The following CASZ1 variants were observed in gnomAD, a reference collection of about 807,000 sequenced individuals.
The protein encoded by CASZ1 is castor zinc finger 1.
CASZ1 carries 28 observed loss-of-function variants against 135.2 expected under a neutral mutation model. The observed-to-expected ratio is 0.21, with a 90% confidence interval of 0.15 to 0.28. The LOEUF is 0.28. Ranked by LOEUF, CASZ1 falls within the 10% of genes least tolerant of loss-of-function variation. The probability of loss-of-function intolerance (pLI) is 1.00; values close to 1 mark genes in which losing one functional copy is unlikely to be tolerated. For synonymous variants in CASZ1, 1,068 were observed against 1,073.4 expected (o/e 0.99, Z 0.10); for missense variants, 2,161 against 2,453.3 (o/e 0.88, Z 2.52).
At chr1:10,712,203 G>A (rs999025336) in intron 2 of CASZ1, among the ~76,000 whole-genome samples, 4 of 152,080 alleles carry the variant, frequency 2.6e-5, no homozygotes, top group Admixed American at 6.5e-5. Flanking sequence ...AAAAGTAGCC[G>A]GGCATGGTGG....
chr1:10,713,332 T>C (rs1260867266), intron 2 of CASZ1, among the ~76,000 whole-genome samples: 1 of 152,202 alleles, frequency 6.6e-6, no homozygotes, highest in East Asian at 1.9e-4. Flanking sequence ...ATTTTTTGGG[T>C]TCTTTCCACA....
chr1:10,786,502 A>G (rs1474152149), intron 1 of CASZ1, among the ~76,000 whole-genome samples: 1 of 152,206 alleles, frequency 6.6e-6, no homozygotes, highest in African/African-American at 2.4e-5. Flanking sequence ...CTCCATGGCA[A>G]TCCCTGATAA....
chr1:10,742,337 T>C (rs572768479), intron 2 of CASZ1, among the ~76,000 whole-genome samples: 2 of 152,288 alleles, frequency 1.3e-5, no homozygotes, highest in Admixed American at 1.3e-4. Context: ...CTAGAATTAA[T>C]GCACTAAAGT....
chr1:10,661,068 G>A (rs1328407111), intron 5 of CASZ1: 1 of 172,642 alleles, frequency 5.8e-6, no homozygotes, highest in Non-Finnish European at 1.3e-5. Context: ...CCCCTGGGCA[G>A]ATGAAGGGTC....
intron 4 of CASZ1, among the ~76,000 whole-genome samples, chr1:10,691,460 G>GC (rs200388713): frequency 0.01 from 1,545 of 152,286 alleles, 6 homozygotes; most frequent in Non-Finnish European, 0.017. Context: ...TGTGTCCGGG[G>GC]CCGCGGGGAT....
At chr1:10,710,981 A>G (rs1639273728) in intron 2 of CASZ1, among the ~76,000 whole-genome samples, 1 of 152,084 alleles carries the variant, frequency 6.6e-6, no homozygotes, top group Admixed American at 6.5e-5. Context: ...AAATACAAAT[A>G]TTAGCCGGGT....
intron 4 of CASZ1, among the ~76,000 whole-genome samples, chr1:10,685,290 C>G (rs1557504651): frequency 6.6e-6 from 1 of 152,206 alleles, no homozygotes; most frequent in African/African-American, 2.4e-5. Context: ...GGCACACTGT[C>G]ATCTCTGATA....
chr1:10,664,896 C>T (rs1365203381), intron 5 of CASZ1, among the ~76,000 whole-genome samples, 187 bp downstream of exon 5: 1 of 151,346 alleles, frequency 6.6e-6, no homozygotes, highest in African/African-American at 2.4e-5. Flanking sequence ...GCAGCCCTTC[C>T]CTTCTCACCT....
At chr1:10,712,749 C>G (rs1025880369) in intron 2 of CASZ1, among the ~76,000 whole-genome samples, 1 of 152,246 alleles carries the variant, frequency 6.6e-6, no homozygotes, top group Non-Finnish European at 1.5e-5. Context: ...TGATTCCGCA[C>G]CCCCGCGGGC....
rs1557534987 is a variant in CASZ1 at position 10,726,658 on chromosome 1, C to T, written c.-76-21114G>A. Among the ~76,000 whole-genome samples the T allele has an allele frequency of 6.6e-6, 1 of 152,246 alleles. No homozygotes were observed. The highest frequency in any genetic ancestry group is 1.5e-5 in the Non-Finnish European group (1 of 68,036). ...CCTGCCTGGGTGCGGTGCCAGCTCA[C>T]TACACCAGCAGATCGTTAGCATTCC... On this transcript the variant is annotated intron_variant, in intron 2 of 20. Coordinates refer to ENST00000377022, the MANE Select transcript of CASZ1 (RefSeq NM_001079843.3). This position sits in a 1 kb window ranked among gnomAD's most constrained non-coding sequence, Gnocchi z 5.7.
chr1:10,748,882 G>A (rs918650077), intron 2 of CASZ1, among the ~76,000 whole-genome samples: 7 of 152,358 alleles, frequency 4.6e-5, no homozygotes, highest in South Asian at 2.1e-4. Context: ...CAGCAGATGC[G>A]AATCAGACCT....
At chr1:10,760,492 A>G (rs1239532076) in intron 2 of CASZ1, among the ~76,000 whole-genome samples, 1 of 152,250 alleles carries the variant, frequency 6.6e-6, no homozygotes, top group Non-Finnish European at 1.5e-5. Context: ...CAAGGCCCAA[A>G]TGCAGGTGCC....
intron 2 of CASZ1, among the ~76,000 whole-genome samples, chr1:10,743,363 C>T (rs575515183): frequency 8.6e-5 from 13 of 151,472 alleles, no homozygotes; most frequent in Non-Finnish European, 1.5e-4. Flanking sequence ...GACTACATCT[C>T]CAAGTACCCC....
At position 10,726,463 on chromosome 1, in the gene CASZ1, G is replaced by A. The variant is rs758091506; in HGVS notation, c.-76-20919C>T. 6.6e-6 allele frequency among the ~76,000 whole-genome samples: 1 copy of A among 152,186 alleles called. No homozygotes were observed. Among genetic ancestry groups the A allele is most frequent in the African/African-American group, 2.4e-5 (1 of 41,458 alleles). Reference sequence around the variant, plus strand: ...CTGGAGCCGGAGGGAGGAGGAGGGCGGTGTAGTCCTCCAGGCTGGCCAGGC... The same window carrying A: ...CTGGAGCCGGAGGGAGGAGGAGGGCAGTGTAGTCCTCCAGGCTGGCCAGGC... On this transcript the variant is annotated intron_variant, in intron 2 of 20. Transcript: ENST00000377022. The surrounding 1 kb of genome is among the most constrained non-coding windows in gnomAD (Gnocchi z 5.7).
At position 10,715,970 on chromosome 1, in the gene CASZ1, C is replaced by T. The variant is rs538095188; in HGVS notation, c.-76-10426G>A. On this transcript the variant is annotated intron_variant, in intron 2 of 20. Transcript: ENST00000377022. The stretch of plus-strand genomic sequence containing the variant: ...AATCCACACCCCACAGCACCCAATC[C>T]GCTCCCCACAGCACCCAATCCGCTC... Among the ~76,000 whole-genome samples, 141 of 142,052 alleles carry T rather than the reference C, an allele frequency of 9.9e-4. 1 individual carries two copies. Among genetic ancestry groups the T allele is most frequent in the South Asian group, 6.1e-3 (25 of 4,132 alleles). 93.2% of individuals were successfully genotyped at this position (142,052 alleles called of 152,430 possible).
At chr1:10,730,165 C>T (rs1639677753) in intron 2 of CASZ1, among the ~76,000 whole-genome samples, 1 of 151,930 alleles carries the variant, frequency 6.6e-6, no homozygotes, top group South Asian at 2.1e-4. Flanking sequence ...GGCTGGAGTG[C>T]AGTGGTGTGA....
rs540684387 is a variant in CASZ1 at position 10,648,241 on chromosome 1, C to T, written c.3159-102G>A. ...CAGGCCTAGACCCCGGTGTCCGTCCCTACTCGTCCCCATCACTCAGCTCCA... is the reference window on the plus strand; with the variant it reads ...CAGGCCTAGACCCCGGTGTCCGTCCTTACTCGTCCCCATCACTCAGCTCCA... On this transcript the variant is annotated intron_variant, in intron 15 of 20. Transcript: ENST00000377022. The T allele has an allele frequency of 9.6e-6, 8 of 832,052 alleles. No individual in the cohort carries two copies. In the South Asian group the frequency reaches 1.5e-4, roughly 15 times the overall value. The allele number at this position is 832,052 out of a possible 1,614,324, so 51.5% of individuals were successfully genotyped here.
intron 4 of CASZ1, among the ~76,000 whole-genome samples, chr1:10,671,579 T>TG (rs886956862): frequency 2.6e-5 from 4 of 152,150 alleles, no homozygotes; most frequent in South Asian, 2.1e-4. Flanking sequence ...GGGGTCTGAT[T>TG]GGTCCCCTCC....
At chr1:10,640,181 C>T (rs1161094995) in intron 20 of CASZ1, 122 bp from the exon 21 acceptor site, 15 of 1,436,002 alleles carry the variant, frequency 1.0e-5, no homozygotes, top group South Asian at 1.4e-5. Context: ...AGGGAGCCCT[C>T]GGCTTCCCCT....
Sources: gnomAD v4.1 joint callset for allele counts (sites outside exome capture counted in the v4.1 genomes callset) on GRCh38, gnomAD v4.1.1 for gene constraint, Gnocchi (gnomAD v3.1) non-coding constraint, MANE v1.5 for transcripts, NCBI Gene and HGNC (gene_info 2026-07-23, HGNC 2026-07-21) for gene names.